GRM5: variants seen among roughly 807,000 people sequenced by gnomAD.
GRM5 encodes metabotropic glutamate receptor 5.
GRM5 carries 19 observed loss-of-function variants against 83.1 expected under a neutral mutation model. The ratio of observed to expected loss-of-function variants is 0.23; its 90% confidence interval spans 0.16 to 0.34. The LOEUF (loss-of-function observed/expected upper bound fraction) is 0.34, where lower values mean the gene tolerates loss of function less well. GRM5 is among the 10% of genes least tolerant of loss of function. GRM5 has a pLI of 1.00. For synonymous variants in GRM5, 675 were observed against 633.6 expected, an observed-to-expected ratio of 1.07 and a Z score of -0.98; for missense variants, 1,160 against 1,588.3, an observed-to-expected ratio of 0.73 and a Z score of 4.58.
intron 3 of GRM5, among the ~76,000 whole-genome samples, chr11:88,800,115 C>A (rs1017639831): frequency 6.6e-6 from 1 of 152,140 alleles, no homozygotes; most frequent in African/African-American, 2.4e-5. Context: ...AATAAACAAA[C>A]AAAACCTCGG....
chr11:88,664,480 C>T (rs983187494), intron 3 of GRM5, among the ~76,000 whole-genome samples: 2 of 151,826 alleles, frequency 1.3e-5, no homozygotes, highest in East Asian at 3.9e-4. Context: ...TCTTAAAAAT[C>T]TTGCTGCCCA....
intron 3 of GRM5, among the ~76,000 whole-genome samples, chr11:88,690,762 G>A (rs746249100): frequency 1.3e-5 from 2 of 152,124 alleles, no homozygotes; most frequent in Non-Finnish European, 2.9e-5. Flanking sequence ...AAATCAGGTT[G>A]GGTTGGCAGT....
rs76326719 is a variant in GRM5, at chr11:88,571,254, A to G, written c.1691-3262T>C. 5.3e-5 allele frequency among the ~76,000 whole-genome samples: 8 copies of G among 152,206 alleles called. No homozygotes were observed. In the East Asian group the frequency reaches 1.5e-3, roughly 29 times the overall value. ...TAACATCTGTGTGAAACTAAAGAAA[A>G]CTCATTAGATATATGTGTTAAAAAT... On this transcript the variant is annotated intron_variant, in intron 7 of 9. Coordinates refer to ENST00000305447, the MANE Select transcript of GRM5 (RefSeq NM_001143831.3).
intron 2 of GRM5, among the ~76,000 whole-genome samples, chr11:88,928,166 C>A (rs575074100): frequency 5.3e-5 from 8 of 152,156 alleles, no homozygotes. Flanking sequence ...AAGGAGATAT[C>A]AACAAAATTG....
intron 2 of GRM5, among the ~76,000 whole-genome samples, chr11:88,908,445 T>G (rs1282092598): frequency 6.6e-6 from 1 of 152,064 alleles, no homozygotes. Context: ...CTGCTAGGAG[T>G]TTCTTTCCTC....
intron 3 of GRM5, among the ~76,000 whole-genome samples, chr11:88,716,113 A>G (rs1250452757): frequency 1.3e-5 from 2 of 151,958 alleles, no homozygotes; most frequent in Non-Finnish European, 2.9e-5. Context: ...AAAGGATGAG[A>G]GTTTGTAAGG....
intron 3 of GRM5, among the ~76,000 whole-genome samples, chr11:88,788,920 A>C (rs1177301718): frequency 6.6e-6 from 1 of 152,176 alleles, no homozygotes; most frequent in Non-Finnish European, 1.5e-5. Context: ...AGTTTGATAG[A>C]GATTCTGTGC....
chr11:88,824,776 C>A (rs576384824), intron 3 of GRM5, among the ~76,000 whole-genome samples: 1 of 152,072 alleles, frequency 6.6e-6, no homozygotes, highest in Non-Finnish European at 1.5e-5. Context: ...CTTGGCCTGG[C>A]GGTTGGGGAC....
intron 2 of GRM5, among the ~76,000 whole-genome samples, chr11:88,936,197 G>T (rs1288685843): frequency 6.6e-6 from 1 of 151,812 alleles, no homozygotes; most frequent in Non-Finnish European, 1.5e-5. Context: ...AATTCCCTAA[G>T]ATTTAGGTTG....
chr11:88,920,392 C>T (rs1945668753), intron 2 of GRM5, among the ~76,000 whole-genome samples: 1 of 127,390 alleles, frequency 7.8e-6, no homozygotes, highest in Admixed American at 8.3e-5. Flanking sequence ...AGATTAAAGT[C>T]ATAAGAAAAA....
intron 5 of GRM5, among the ~76,000 whole-genome samples, chr11:88,599,896 C>T (rs992870291): frequency 1.4e-4 from 21 of 152,148 alleles, no homozygotes; most frequent in African/African-American, 4.8e-4. Context: ...GCCTGTAGTC[C>T]CAGCTACTTG....
intron 4 of GRM5, chr11:88,612,778 G>A (rs1311012584): frequency 6.6e-6 from 1 of 152,192 alleles, no homozygotes; most frequent in Non-Finnish European, 1.5e-5. Flanking sequence ...TTTGAGAAGT[G>A]TCTGTTCATG....
At chr11:88,700,932 G>C (rs1941018718) in intron 3 of GRM5, among the ~76,000 whole-genome samples, 1 of 152,124 alleles carries the variant, frequency 6.6e-6, no homozygotes, top group Admixed American at 6.6e-5. Context: ...TGTGTCCCTA[G>C]GAGGCAGAAT....
At chr11:88,951,600 G>C (rs1306179365) in intron 2 of GRM5, among the ~76,000 whole-genome samples, 2 of 152,218 alleles carry the variant, frequency 1.3e-5, no homozygotes, top group African/African-American at 4.8e-5. Flanking sequence ...TAGACACAGT[G>C]TGAGTTTTCG....
At chr11:88,712,946 C>A (rs1170595530) in intron 3 of GRM5, among the ~76,000 whole-genome samples, 1 of 151,928 alleles carries the variant, frequency 6.6e-6, no homozygotes, top group South Asian at 2.1e-4. Flanking sequence ...CTTTGATATT[C>A]AGTGAGGTTT....
At position 89,047,159 on chromosome 11, in the gene GRM5, G is replaced by GT. The variant is rs1251119662; in HGVS notation, c.661+52dup. The GT allele has an allele frequency of 2.4e-5, 32 of 1,355,108 alleles. No homozygotes were observed. The African/African-American group carries it at 4.1e-4, about 17-fold the overall frequency. 83.9% of individuals were successfully genotyped at this position (1,355,108 alleles called of 1,614,324 possible). A position where few individuals can be genotyped will look rare whatever the true frequency, so the allele number is the denominator to read the frequency against. On this transcript the variant is annotated intron_variant, in intron 2 of 9. Transcript: ENST00000305447. The surrounding 1 kb of genome is among the most constrained non-coding windows in gnomAD (Gnocchi z 5.1). ...GTTTACTCTTCCCAAACCTGAAATT[G>GT]TAACTGTTGAGTGCATAATAATATA...
intron 2 of GRM5, among the ~76,000 whole-genome samples, chr11:89,044,160 CAG>C (rs1446585215): frequency 6.6e-6 from 1 of 152,112 alleles, no homozygotes; most frequent in Non-Finnish European, 1.5e-5. Flanking sequence ...TTCCTTAGTG[CAG>C]AGAGAGTTCT....
At chr11:89,032,108 T>A (rs1051640193) in intron 2 of GRM5, among the ~76,000 whole-genome samples, 3 of 152,062 alleles carry the variant, frequency 2.0e-5, no homozygotes, top group Non-Finnish European at 4.4e-5. Flanking sequence ...GTGACTTGGT[T>A]TAAATAAATT....
intron 3 of GRM5, among the ~76,000 whole-genome samples, chr11:88,801,696 A>C (rs1943398152): frequency 6.6e-6 from 1 of 152,202 alleles, no homozygotes; most frequent in African/African-American, 2.4e-5. Context: ...TGAGAAACCC[A>C]CATGCTAGAA....
Sources: allele counts gnomAD v4.1 joint callset (sites outside exome capture counted in the v4.1 genomes callset), GRCh38; gene constraint gnomAD v4.1.1; non-coding constraint Gnocchi (gnomAD v3.1); transcripts MANE v1.5; gene names NCBI Gene and HGNC (gene_info 2026-07-23, HGNC 2026-07-21).